The following LSAMP variants were observed in gnomAD, a reference collection of about 807,000 sequenced individuals.
LSAMP encodes the protein limbic system associated membrane protein, also known as limbic system-associated membrane protein.
In LSAMP, 7 loss-of-function variants were observed where a neutral mutation model predicts 38.6. The ratio of observed to expected loss-of-function variants is 0.18; its 90% CI spans 0.10 to 0.34. The LOEUF (loss-of-function observed/expected upper bound fraction) is 0.34, where lower values mean the gene tolerates loss of function less well. Ranked by LOEUF, LSAMP falls within the 10% of genes least tolerant of loss-of-function variation. The probability of loss-of-function intolerance (pLI) is 1.00; values close to 1 mark genes in which losing one functional copy is unlikely to be tolerated. For missense variants in LSAMP, 313 were observed against 420.0 expected, an observed-to-expected ratio of 0.75 and a Z score of 2.23; for synonymous variants, 154 against 166.8, an observed-to-expected ratio of 0.92 and a Z score of 0.59.
At chr3:115,873,887 T>C (rs1296568590) in intron 3 of LSAMP, among the ~76,000 whole-genome samples, 1 of 152,092 alleles carries the variant, frequency 6.6e-6, no homozygotes, top group Non-Finnish European at 1.5e-5. Context: ...ATTTGTTCCC[T>C]CTAAAGATCA....
rs548176331 is a variant in LSAMP at position 116,224,740 on chromosome 3, T to G, written c.156-138184A>C. On this transcript the variant is annotated intron_variant, in intron 1 of 6. Transcript: ENST00000490035. The stretch of plus-strand genomic sequence containing the variant: ...AATGGAATAGGCAATCTTAAATCCC[T>G]GCATGGAAGCCGTAGTTCTTGAGCT... Among the ~76,000 whole-genome samples the G allele has an allele frequency of 5.6e-4, 85 of 152,286 alleles. No individual in the cohort carries two copies. The South Asian group carries it at 0.017, about 30-fold the overall frequency.
At chr3:116,181,255 C>A (rs1271301062) in intron 1 of LSAMP, among the ~76,000 whole-genome samples, 1 of 151,902 alleles carries the variant, frequency 6.6e-6, no homozygotes, top group African/African-American at 2.4e-5. Context: ...CACAACACTG[C>A]CAAACAATTC....
chr3:116,236,651 T>C (rs1175557735), intron 1 of LSAMP, among the ~76,000 whole-genome samples: 2 of 152,112 alleles, frequency 1.3e-5, no homozygotes, highest in Non-Finnish European at 2.9e-5. Context: ...AGATTTACAA[T>C]TGAGCCAATT....
chr3:116,038,636 T>C (rs1941100109), intron 2 of LSAMP, among the ~76,000 whole-genome samples: 1 of 152,194 alleles, frequency 6.6e-6, no homozygotes, highest in Non-Finnish European at 1.5e-5. Context: ...GCTATATATA[T>C]ACACCCGCCT....
intron 2 of LSAMP, among the ~76,000 whole-genome samples, chr3:116,041,066 G>C (rs1422844272): frequency 1.3e-5 from 2 of 152,126 alleles, no homozygotes; most frequent in African/African-American, 2.4e-5. Flanking sequence ...TGGGACCATA[G>C]GTGTGAGCCG....
chr3:116,280,542 T>G (rs1397451778), intron 1 of LSAMP, among the ~76,000 whole-genome samples: 1 of 152,242 alleles, frequency 6.6e-6, no homozygotes, highest in Non-Finnish European at 1.5e-5. Flanking sequence ...TGGCATCTAT[T>G]TCTATGGTGC....
chr3:115,954,961 T>G (rs1168221833), intron 3 of LSAMP, among the ~76,000 whole-genome samples: 3 of 12,272 alleles, frequency 2.4e-4, no homozygotes, highest in East Asian at 4.7e-3. Context: ...TTGTTTTTGT[T>G]TTTTTTTTTT....
intron 1 of LSAMP, among the ~76,000 whole-genome samples, chr3:116,312,386 A>G (rs1181732139): frequency 1.3e-5 from 2 of 152,108 alleles, no homozygotes; most frequent in Non-Finnish European, 2.9e-5. Flanking sequence ...GGGCATTAAT[A>G]TTCTAAGATT....
At chr3:116,003,819 G>A (rs1461441533) in intron 3 of LSAMP, among the ~76,000 whole-genome samples, 1 of 152,130 alleles carries the variant, frequency 6.6e-6, no homozygotes, top group Admixed American at 6.6e-5. Context: ...AAGAAGTAAG[G>A]AAAGTTTTCC....
chr3:116,182,735 A>G (rs946029726), intron 1 of LSAMP, among the ~76,000 whole-genome samples: 1 of 151,912 alleles, frequency 6.6e-6, no homozygotes, highest in African/African-American at 2.4e-5. Context: ...TCTGATTCCC[A>G]TAACAGACCT....
chr3:115,896,995 T>G (rs555517652), intron 3 of LSAMP, among the ~76,000 whole-genome samples: 7 of 152,248 alleles, frequency 4.6e-5, no homozygotes, highest in African/African-American at 1.7e-4. Context: ...TCCTTTCTTC[T>G]GTCAGTGATG....
chr3:115,827,002 C>T (rs1934437179), intron 6 of LSAMP, among the ~76,000 whole-genome samples: 2 of 147,138 alleles, frequency 1.4e-5, no homozygotes, highest in African/African-American at 5.1e-5. Flanking sequence ...TAACAGCTGT[C>T]AGCGATAAAC....
chr3:115,872,347 G>A (rs1485029329), intron 3 of LSAMP, among the ~76,000 whole-genome samples: 2 of 152,128 alleles, frequency 1.3e-5, no homozygotes, highest in African/African-American at 2.4e-5. Context: ...TACTTCAAGA[G>A]TCCTCTGGGC....
At chr3:115,837,935 A>G (rs891366057) in intron 6 of LSAMP, 1 of 152,242 alleles carries the variant, frequency 6.6e-6, no homozygotes, top group African/African-American at 2.4e-5. Flanking sequence ...GATTGCTTTA[A>G]CTCAGGAGTT....
intron 2 of LSAMP, among the ~76,000 whole-genome samples, chr3:116,025,890 A>T (rs553198524): frequency 2.4e-4 from 37 of 152,322 alleles, no homozygotes; most frequent in African/African-American, 8.9e-4. Flanking sequence ...AATTTGAATT[A>T]TTAAATGGGT....
chr3:115,968,877 C>T (rs1938914959), intron 3 of LSAMP, among the ~76,000 whole-genome samples: 1 of 152,226 alleles, frequency 6.6e-6, no homozygotes. Context: ...GTTCTGACCA[C>T]TGGGATGGGC....
At chr3:116,302,326 A>ATGCT (rs2047421552) in intron 1 of LSAMP, among the ~76,000 whole-genome samples, 1 of 152,188 alleles carries the variant, frequency 6.6e-6, no homozygotes. Flanking sequence ...CTCTGTAAAT[A>ATGCT]TGCTCATTTT....
chr3:116,148,350 A>G (rs1464407805), intron 1 of LSAMP, among the ~76,000 whole-genome samples: 2 of 151,864 alleles, frequency 1.3e-5, no homozygotes, highest in Non-Finnish European at 2.9e-5. Context: ...ACTCCTGCTC[A>G]CCTCCTCTAG....
chr3:116,185,221 T>A (rs16824521), intron 1 of LSAMP, among the ~76,000 whole-genome samples: 2 of 151,846 alleles, frequency 1.3e-5, no homozygotes, highest in African/African-American at 4.8e-5. Context: ...CATATTCTTT[T>A]CATTTGAGTT....
Sources: allele counts gnomAD v4.1 joint callset (sites outside exome capture counted in the v4.1 genomes callset), GRCh38; gene constraint gnomAD v4.1.1; transcripts MANE v1.5; gene names NCBI Gene and HGNC (gene_info 2026-07-23, HGNC 2026-07-21).